SAMMSON: variants seen among roughly 807,000 people sequenced by gnomAD.
SAMMSON encodes the protein long intergenic non-protein coding RNA 1212.
At chr3:70,251,491 C>A (rs1303394633) in intron 6 of SAMMSON, among the ~76,000 whole-genome samples, 1 of 152,108 alleles carries the variant, frequency 6.6e-6, no homozygotes. Context: ...TACACTTTTT[C>A]ATTCCCTTAA....
At chr3:70,337,989 CA>C (rs1210653565) in intron 7 of SAMMSON, among the ~76,000 whole-genome samples, 12 of 151,620 alleles carry the variant, frequency 7.9e-5, no homozygotes, top group Non-Finnish European at 1.5e-4. Context: ...CTTTTGATTG[CA>C]GATTTCCCAA....
chr3:70,018,547 A>T (rs1216574571), intron 3 of SAMMSON, among the ~76,000 whole-genome samples: 2 of 151,792 alleles, frequency 1.3e-5, no homozygotes, highest in African/African-American at 4.8e-5. Context: ...GGATTCATTG[A>T]TTTTTTTGAA....
intron 4 of SAMMSON, among the ~76,000 whole-genome samples, chr3:70,208,712 A>G (rs745327780): frequency 2.6e-5 from 4 of 152,020 alleles, no homozygotes; most frequent in African/African-American, 4.8e-5. Flanking sequence ...TCAGAAACCA[A>G]TCTTAAGATG....
chr3:70,161,705 C>A (rs551629478), intron 4 of SAMMSON, among the ~76,000 whole-genome samples: 10 of 151,864 alleles, frequency 6.6e-5, no homozygotes, highest in African/African-American at 2.4e-4. Context: ...AGAAGTTTTT[C>A]TTCCTCTTTT....
chr3:70,295,830 C>T (rs1466670555), intron 7 of SAMMSON, among the ~76,000 whole-genome samples: 2 of 152,068 alleles, frequency 1.3e-5, no homozygotes, highest in Non-Finnish European at 2.9e-5. Flanking sequence ...ATTATAATAC[C>T]TTATTTTTTA....
intron 4 of SAMMSON, among the ~76,000 whole-genome samples, chr3:70,115,864 G>T (rs565488158): frequency 6.6e-6 from 1 of 152,162 alleles, no homozygotes; most frequent in South Asian, 2.1e-4. Context: ...GACCCCTCAG[G>T]GTGCTAAGTT....
chr3:70,178,420 C>A (rs565322354), intron 4 of SAMMSON, among the ~76,000 whole-genome samples: 7 of 152,134 alleles, frequency 4.6e-5, no homozygotes, highest in Non-Finnish European at 8.8e-5. Flanking sequence ...TCGGACCGAA[C>A]AAGAATATAG....
chr3:70,239,727 A>G (rs1181186189), intron 4 of SAMMSON, among the ~76,000 whole-genome samples: 1 of 152,160 alleles, frequency 6.6e-6, no homozygotes, highest in Non-Finnish European at 1.5e-5. Context: ...GTGCTTCCCC[A>G]GAGCCCTGTA....
chr3:70,096,404 T>C (rs2067322965), intron 4 of SAMMSON, among the ~76,000 whole-genome samples: 2 of 152,128 alleles, frequency 1.3e-5, no homozygotes, highest in South Asian at 2.1e-4. Flanking sequence ...ATTAGCTTGG[T>C]GCGGTGGCGC....
At chr3:70,376,988 TA>T (rs1453994158) in intron 9 of SAMMSON, among the ~76,000 whole-genome samples, 1 of 152,116 alleles carries the variant, frequency 6.6e-6, no homozygotes, top group African/African-American at 2.4e-5. Context: ...CTGAAGTATA[TA>T]AACCTAGATT....
In SAMMSON at chr3:70,047,556, G is replaced by C. The variant is rs116921914; in HGVS notation, n.418-23920G>C. 3.0e-4 allele frequency among the ~76,000 whole-genome samples: 46 copies of C among 151,960 alleles called. 1 individual carries two copies. In the East Asian group the frequency reaches 8.8e-3, roughly 29 times the overall value. On this transcript the variant is annotated intron_variant and non_coding_transcript_variant, in intron 3 of 9. Transcript: ENST00000642114. ...TTCACCATGTTGTCTGGCTGGTCTC[G>C]AACTCCTAATCTCGTGATCTGCCCA...
At chr3:70,337,058 TTAA>T (rs1185857622) in intron 7 of SAMMSON, among the ~76,000 whole-genome samples, 16 of 77,286 alleles carry the variant, frequency 2.1e-4, no homozygotes, top group African/African-American at 4.8e-4. Flanking sequence ...ATTATTATTA[TTAA>T]TAATAATATC....
chr3:70,171,812 C>G (rs1371257276), intron 4 of SAMMSON, among the ~76,000 whole-genome samples: 3 of 151,882 alleles, frequency 2.0e-5, no homozygotes, highest in African/African-American at 4.8e-5. Flanking sequence ...ACTGGATACT[C>G]AAAAATGAAT....
intron 4 of SAMMSON, among the ~76,000 whole-genome samples, chr3:70,233,160 G>A (rs552408583): frequency 6.6e-6 from 1 of 152,320 alleles, no homozygotes; most frequent in Non-Finnish European, 1.5e-5. Context: ...CTGCATTCCA[G>A]CCTGGGCAAC....
At chr3:70,015,899 T>A (rs2066982915) in intron 3 of SAMMSON, among the ~76,000 whole-genome samples, 1 of 152,168 alleles carries the variant, frequency 6.6e-6, no homozygotes, top group Admixed American at 6.5e-5. Flanking sequence ...GAACTCATCG[T>A]TTTTTATGGC....
chr3:70,092,098 G>T (rs1429648626), intron 4 of SAMMSON, among the ~76,000 whole-genome samples: 1 of 152,124 alleles, frequency 6.6e-6, no homozygotes, highest in Non-Finnish European at 1.5e-5. Flanking sequence ...CACTGTGCTG[G>T]TTAACTTTGA....
intron 7 of SAMMSON, chr3:70,332,603 GT>G (rs898633814): frequency 7.4e-5 from 11 of 148,214 alleles, no homozygotes; most frequent in Non-Finnish European, 1.5e-4. Context: ...GGAAAATTTG[GT>G]TTTTTTTTTG....
In SAMMSON at chr3:70,165,372, C is replaced by T. The variant is rs115357023; in HGVS notation, n.508-83735C>T. ...TTTGGAGGTGCTTAGATCATGAGGG[C>T]AGAGCCCCATGAGTGAAATTTGTAT... is the stretch of plus-strand genomic sequence containing the variant. On this transcript the variant is annotated intron_variant and non_coding_transcript_variant, in intron 4 of 9. Transcript: ENST00000642114. Among the ~76,000 whole-genome samples, 850 of 151,964 alleles carry T rather than the reference C, an allele frequency of 5.6e-3. 4 individuals are homozygous for T. Among genetic ancestry groups the T allele is most frequent in the African/African-American group, 0.018 (750 of 41,458 alleles).
At chr3:70,054,121 A>G (rs896368203) in intron 3 of SAMMSON, among the ~76,000 whole-genome samples, 41 of 152,170 alleles carry the variant, frequency 2.7e-4, no homozygotes, top group Non-Finnish European at 1.2e-4. Flanking sequence ...AGTAGTCAAC[A>G]TATAGATATA....
Sources: gnomAD v4.1 joint callset for allele counts (sites outside exome capture counted in the v4.1 genomes callset) on GRCh38, gnomAD v4.1.1 for gene constraint, MANE v1.5 for transcripts, NCBI Gene and HGNC (gene_info 2026-07-23, HGNC 2026-07-21) for gene names.